Variants in MRPL48 observed in about 807,000 individuals in gnomAD.
MRPL48 encodes the protein mitochondrial ribosomal protein L48, also known as large ribosomal subunit protein mL48.
MRPL48 carries 16 observed loss-of-function variants against 32.9 expected under a neutral mutation model. The observed-to-expected ratio is 0.49, with a 90% CI of 0.33 to 0.74. The LOEUF is 0.74. Ranked by LOEUF, MRPL48 falls within the 30% of genes least tolerant of loss-of-function variation. The probability of loss-of-function intolerance (pLI) is 0.02; values close to 1 mark genes in which losing one functional copy is unlikely to be tolerated. For missense variants in MRPL48, 206 were observed against 245.3 expected (o/e 0.84, Z 1.07); for synonymous variants, 94 against 89.2 (o/e 1.05, Z -0.31).
intron 4 of MRPL48, among the ~76,000 whole-genome samples, chr11:73,828,140 C>T (rs951986930): frequency 3.3e-5 from 5 of 151,922 alleles, no homozygotes; most frequent in East Asian, 1.9e-4. Flanking sequence ...TGTAACTTCA[C>T]GATGCTGTGC....
At chr11:73,828,323 CAA>C (rs896170726) in intron 4 of MRPL48, among the ~76,000 whole-genome samples, 26 of 151,414 alleles carry the variant, frequency 1.7e-4, no homozygotes, top group African/African-American at 5.3e-4. Flanking sequence ...CTCCTGGGCT[CAA>C]GAGAGCCTCC....
intron 7 of MRPL48, 131 bp downstream of exon 7, chr11:73,863,392 A>G: frequency 1.3e-6 from 1 of 767,926 alleles, no homozygotes; most frequent in South Asian, 1.9e-5. Context: ...ATAATCAGAA[A>G]AGTTGTACAC....
At chr11:73,812,146 A>G (rs1947577576) in intron 3 of MRPL48, among the ~76,000 whole-genome samples, 1 of 152,070 alleles carries the variant, frequency 6.6e-6, no homozygotes, top group South Asian at 2.1e-4. Context: ...TCGGCCTCCC[A>G]AAGTGCTGGG....
intron 5 of MRPL48, among the ~76,000 whole-genome samples, chr11:73,853,065 T>C (rs1207314255): frequency 1.3e-5 from 2 of 151,996 alleles, no homozygotes; most frequent in Admixed American, 1.3e-4. Flanking sequence ...AACTCAGAGA[T>C]AGAGAGTAGT....
In MRPL48 at chr11:73,808,342, A is replaced by G. The variant is rs1565406863; in HGVS notation, c.104A>G (p.Tyr35Cys). The G allele has an allele frequency of 3.7e-6, 6 of 1,608,342 alleles. No individual in the cohort carries two copies. The highest frequency in any genetic ancestry group is 2.2e-5 in the East Asian group (1 of 44,838). Reference protein sequence around the residue: ...RFRTSGEKPIYSVGGILLSIS... With the variant: ...RFRTSGEKPICSVGGILLSIS... ...AGAACTTCAGGAGAGAAGCCCATCT[A>G]TTCTGTAGGTAAGCAGTTTTTACCT... Residue 35 changes from tyrosine (Y) to cysteine (C), a missense_variant, in exon 3 of 8, where the codon TAT becomes TGT. Physicochemically the swap from Tyr to Cys is radical, Grantham distance 194 (BLOSUM62 -2). Coordinates refer to ENST00000310614, the MANE Select transcript of MRPL48 (RefSeq NM_016055.6).
chr11:73,857,301 T>A (rs1393688823), intron 5 of MRPL48, among the ~76,000 whole-genome samples: 1 of 151,776 alleles, frequency 6.6e-6, no homozygotes, highest in Non-Finnish European at 1.5e-5. Context: ...CAGCTAATTT[T>A]TTGTATTTTT....
chr11:73,798,078 A>C (rs1947290296), intron 1 of MRPL48, among the ~76,000 whole-genome samples: 1 of 152,016 alleles, frequency 6.6e-6, no homozygotes, highest in Non-Finnish European at 1.5e-5. Flanking sequence ...TGGAAACAAA[A>C]ACAATTTTTT....
chr11:73,855,607 C>T (rs1029388876), intron 5 of MRPL48, among the ~76,000 whole-genome samples: 13 of 152,240 alleles, frequency 8.5e-5, no homozygotes, highest in Admixed American at 3.9e-4. Context: ...CCTGCCTCAG[C>T]CTCCCGAGTA....
chr11:73,852,929 T>A (rs1948425548), intron 5 of MRPL48, among the ~76,000 whole-genome samples: 1 of 152,200 alleles, frequency 6.6e-6, no homozygotes, highest in Non-Finnish European at 1.5e-5. Context: ...ATGAATGACA[T>A]CCTGTCATTT....
intron 4 of MRPL48, among the ~76,000 whole-genome samples, chr11:73,827,418 G>T (rs934852069): frequency 6.6e-6 from 1 of 152,094 alleles, no homozygotes; most frequent in African/African-American, 2.4e-5. Context: ...TGTGCTTCTT[G>T]AATCCTTTAT....
At chr11:73,852,045 A>C (rs1948401599) in intron 5 of MRPL48, among the ~76,000 whole-genome samples, 1 of 152,212 alleles carries the variant, frequency 6.6e-6, no homozygotes, top group Non-Finnish European at 1.5e-5. Context: ...GCAGAGTAAC[A>C]TAGTAATTTA....
chr11:73,859,316 C>T (rs1327821499), intron 5 of MRPL48, among the ~76,000 whole-genome samples: 1 of 149,480 alleles, frequency 6.7e-6, no homozygotes, highest in Non-Finnish European at 1.5e-5. Flanking sequence ...AGGTCTTCCT[C>T]TGTTGCCCAT....
chr11:73,807,902 G>T (rs1369461840), intron 2 of MRPL48, among the ~76,000 whole-genome samples: 1 of 152,166 alleles, frequency 6.6e-6, no homozygotes, highest in Non-Finnish European at 1.5e-5. Context: ...GCCTCCCAAA[G>T]TGCTGGGATT....
Position 73,818,374 on chromosome 11 carries a change from A to G in MRPL48, c.113-7334A>G, listed in dbSNP as rs538139647. Among the ~76,000 whole-genome samples the G allele has an allele frequency of 2.9e-3, 442 of 152,352 alleles. 5 individuals carry two copies. The highest frequency in any genetic ancestry group is 3.4e-3 in the Non-Finnish European group (228 of 68,022). On this transcript the variant is annotated intron_variant, in intron 3 of 7. Coordinates refer to ENST00000310614, the MANE Select transcript of MRPL48 (RefSeq NM_016055.6). ...GACGAAGGGAACTTAGAGTGCTCTC[A>G]TTACAGCATGAATAAAAAGGTAGAA...
chr11:73,825,790 A>G lies in MRPL48; in HGVS notation c.195A>G (p.Ala65=). The G allele has an allele frequency of 6.4e-7, 1 of 1,562,122 alleles. No individual in the cohort carries two copies. Among genetic ancestry groups the G allele is most frequent in the South Asian group, 1.2e-5 (1 of 84,532 alleles). ...GIGKYKHLIK[A]EEPKKKKGKV... is the part of the protein sequence containing the mutation. ...GAAAGTACAAGCACTTAATTAAAGC[A>G]GAAGAGGTAACGGGCAGGGGGAGTC... Residue 65 remains alanine (A), a synonymous_variant, in exon 4 of 8, where the codon GCA becomes GCG. Coordinates refer to ENST00000310614, the MANE Select transcript of MRPL48 (RefSeq NM_016055.6).
intron 4 of MRPL48, among the ~76,000 whole-genome samples, chr11:73,834,156 C>T (rs1306513870): frequency 2.0e-5 from 3 of 151,972 alleles, no homozygotes; most frequent in Non-Finnish European, 4.4e-5. Context: ...GCCTAGAATT[C>T]ATTTCAGTTC....
intron 1 of MRPL48, among the ~76,000 whole-genome samples, chr11:73,802,780 G>T (rs192951535): frequency 6.6e-6 from 1 of 151,602 alleles, no homozygotes; most frequent in African/African-American, 2.4e-5. Context: ...GCTTATTGCA[G>T]CCTCAGCCCT....
At chr11:73,847,485 G>A (rs565169295) in intron 5 of MRPL48, among the ~76,000 whole-genome samples, 47 of 151,434 alleles carry the variant, frequency 3.1e-4, no homozygotes, top group Middle Eastern at 6.8e-3. Context: ...CTGTCACCCA[G>A]GCTGGAGTGC....
rs1455782837 is a variant in MRPL48 at position 73,812,736 on chromosome 11, A to ATT, written c.112+4387_112+4388insTT. On this transcript the variant is annotated intron_variant, in intron 3 of 7. Coordinates refer to ENST00000310614, the MANE Select transcript of MRPL48 (RefSeq NM_016055.6). ...TGTCTAAATATATATATATATATAT[A>ATT]TATATTTATTTATTTATTTTTTATT... 3.7e-3 allele frequency among the ~76,000 whole-genome samples: 518 copies of ATT among 138,860 alleles called. 4 individuals carry two copies. Among genetic ancestry groups the ATT allele is most frequent in the African/African-American group, 0.012 (450 of 37,730 alleles). The allele number at this position is 138,860 out of a possible 152,430, so 91.1% of individuals were successfully genotyped here.
Sources: gnomAD v4.1 joint callset for allele counts (sites outside exome capture counted in the v4.1 genomes callset) on GRCh38, gnomAD v4.1.1 for gene constraint, MANE v1.5 for transcripts, NCBI Gene and HGNC (gene_info 2026-07-23, HGNC 2026-07-21) for gene names.